CDH2: variants seen among roughly 807,000 people sequenced by gnomAD.
CDH2 encodes the protein cadherin-2.
A neutral mutation model predicts 92.0 loss-of-function variants in CDH2; 17 were observed. The ratio of observed to expected loss-of-function variants is 0.18; its 90% CI spans 0.13 to 0.28. The LOEUF is 0.28. Among genes scored for constraint, CDH2 ranks in the 10% least tolerant of loss-of-function variants. The pLI, the probability that CDH2 is intolerant of heterozygous loss-of-function variation, is 1.00. For missense variants in CDH2, 862 were observed against 1,133.1 expected, an observed-to-expected ratio of 0.76 and a Z score of 3.44; for synonymous variants, 419 against 415.9, an observed-to-expected ratio of 1.01 and a Z score of -0.09.
At chr18:28,170,882 T>C (rs1350354096) in intron 1 of CDH2, among the ~76,000 whole-genome samples, 1 of 151,660 alleles carries the variant, frequency 6.6e-6, no homozygotes, top group African/African-American at 2.4e-5. Flanking sequence ...CGTATATGTA[T>C]CTATACCATG....
intron 1 of CDH2, among the ~76,000 whole-genome samples, chr18:28,175,050 C>G (rs1347664248): frequency 6.6e-6 from 1 of 152,042 alleles, no homozygotes; most frequent in Non-Finnish European, 1.5e-5. Context: ...GACTTTTTTC[C>G]TTCTTCCTCC....
chr18:28,043,062 A>G (rs1426117363), intron 2 of CDH2, among the ~76,000 whole-genome samples: 2 of 152,218 alleles, frequency 1.3e-5, no homozygotes, highest in Non-Finnish European at 1.5e-5. Flanking sequence ...AGTTAAAAAG[A>G]AATCAACTAT....
chr18:28,167,177 GTTCT>G (rs1379026188), intron 1 of CDH2, among the ~76,000 whole-genome samples: 1 of 152,060 alleles, frequency 6.6e-6, no homozygotes, highest in Non-Finnish European at 1.5e-5. Flanking sequence ...AAGATATTTA[GTTCT>G]TTGTCTCCAC....
chr18:28,070,835 T>C lies in CDH2; in HGVS notation c.173-56926A>G, dbSNP rs552995071. On this transcript the variant is annotated intron_variant, in intron 2 of 15. Transcript: ENST00000269141. ...ACACATCATGTCACACCACGAATCA[T>C]GAGCAATCCATCAGTGGTAGGATTC... 3.9e-5 allele frequency among the ~76,000 whole-genome samples: 6 copies of C among 152,218 alleles called. No homozygotes were observed. In the East Asian group the frequency reaches 7.7e-4, roughly 20 times the overall value.
chr18:28,136,203 C>T (rs886991256), intron 2 of CDH2, among the ~76,000 whole-genome samples: 2 of 152,086 alleles, frequency 1.3e-5, no homozygotes, highest in Non-Finnish European at 2.9e-5. Context: ...AAGTCAAGAA[C>T]ATCAGGAAGG....
chr18:28,030,115 AT>A (rs1291019489), intron 2 of CDH2, among the ~76,000 whole-genome samples: 1 of 152,110 alleles, frequency 6.6e-6, no homozygotes, highest in Non-Finnish European at 1.5e-5. Flanking sequence ...TCTGAATTAC[AT>A]CCTTTGCCTA....
At chr18:27,999,712 ATG>A (rs968205579) in intron 7 of CDH2, among the ~76,000 whole-genome samples, 1 of 151,242 alleles carries the variant, frequency 6.6e-6, no homozygotes, top group African/African-American at 2.4e-5. Flanking sequence ...ATATGTATAT[ATG>A]TGTGTGTGTT....
chr18:27,953,787 A>G (rs1909578851), intron 15 of CDH2, among the ~76,000 whole-genome samples: 3 of 152,188 alleles, frequency 2.0e-5, no homozygotes, highest in African/African-American at 7.2e-5. Flanking sequence ...GGACTATTAT[A>G]AAGACCAAAT....
chr18:27,973,767 G>A (rs1394219326), intron 14 of CDH2, among the ~76,000 whole-genome samples: 1 of 152,166 alleles, frequency 6.6e-6, no homozygotes, highest in Non-Finnish European at 1.5e-5. Flanking sequence ...GAAGGGATGT[G>A]TGCCACTTCT....
intron 2 of CDH2, among the ~76,000 whole-genome samples, chr18:28,088,856 A>G (rs1387747307): frequency 6.6e-6 from 1 of 152,192 alleles, no homozygotes; most frequent in Non-Finnish European, 1.5e-5. Flanking sequence ...GCATATCAGG[A>G]GAGAAAATAC....
chr18:27,954,173 C>T (rs1909598888), intron 15 of CDH2, among the ~76,000 whole-genome samples: 1 of 152,166 alleles, frequency 6.6e-6, no homozygotes, highest in Admixed American at 6.5e-5. Flanking sequence ...ACATAAATAA[C>T]TTTAGATAGG....
intron 3 of CDH2, among the ~76,000 whole-genome samples, chr18:28,013,202 C>T (rs1254376171): frequency 6.6e-6 from 1 of 152,084 alleles, no homozygotes; most frequent in African/African-American, 2.4e-5. Context: ...GGGAGTATAT[C>T]ATTCCTAAAA....
intron 1 of CDH2, among the ~76,000 whole-genome samples, chr18:28,170,839 C>T (rs914053744): frequency 2.6e-5 from 4 of 151,870 alleles, no homozygotes; most frequent in African/African-American, 4.8e-5. Context: ...TCCAATCTTT[C>T]GTAATCATAA....
chr18:28,170,429 T>C (rs1482980731), intron 1 of CDH2, among the ~76,000 whole-genome samples: 1 of 152,194 alleles, frequency 6.6e-6, no homozygotes, highest in East Asian at 1.9e-4. Flanking sequence ...CACTGCAACC[T>C]CCGCCTCCCG....
At chr18:27,987,323 C>T (rs1450378575) in intron 11 of CDH2, among the ~76,000 whole-genome samples, 1 of 152,068 alleles carries the variant, frequency 6.6e-6, no homozygotes, top group African/African-American at 2.4e-5. Flanking sequence ...CTACAAAGTT[C>T]CAACACTAAA....
chr18:28,014,675 TAGA>T (rs914123354), intron 2 of CDH2, among the ~76,000 whole-genome samples: 6 of 150,324 alleles, frequency 4.0e-5, no homozygotes, highest in African/African-American at 7.3e-5. Context: ...ATGACAAGAG[TAGA>T]AGAATTCAAA....
intron 7 of CDH2, among the ~76,000 whole-genome samples, chr18:27,997,142 C>T (rs571152141): frequency 9.2e-5 from 14 of 152,202 alleles, no homozygotes; most frequent in Non-Finnish European, 1.8e-4. Context: ...TGAAGTAGCA[C>T]GTGAAAGGCT....
chr18:28,094,488 T>TA lies in CDH2; in HGVS notation c.172+53184dup, dbSNP rs1366785530. The stretch of plus-strand genomic sequence containing the variant: ...GGGAGACAGAGTTAGACTCTGTCCT[T>TA]AAAAAAACAAAACAAAACAAAAAAA... On this transcript the variant is annotated intron_variant, in intron 2 of 15. Transcript: ENST00000269141. Among the ~76,000 whole-genome samples the TA allele has an allele frequency of 1.6e-4, 23 of 142,134 alleles. No homozygotes were observed. In the East Asian group the frequency reaches 4.1e-3, roughly 25 times the overall value. The allele number at this position is 142,134 out of a possible 152,430, so 93.2% of individuals were successfully genotyped here. A position where few individuals can be genotyped will look rare whatever the true frequency, so the allele number is the denominator to read the frequency against.
rs2015325889 is a variant in CDH2, at chr18:28,106,520, A to G, written c.172+41153T>C. Among the ~76,000 whole-genome samples the G allele has an allele frequency of 3.3e-5, 5 of 151,170 alleles. No individual in the cohort carries two copies. In the South Asian group the frequency reaches 1.0e-3, roughly 32 times the overall value. On this transcript the variant is annotated intron_variant, in intron 2 of 15. Transcript: ENST00000269141. ...AGATGGATGGTTTGTCTTTATCATC[A>G]AAGAAGACAAACATTATCCAGTACA...
Sources: allele counts gnomAD v4.1 joint callset (sites outside exome capture counted in the v4.1 genomes callset), GRCh38; gene constraint gnomAD v4.1.1; transcripts MANE v1.5; gene names NCBI Gene and HGNC (gene_info 2026-07-23, HGNC 2026-07-21).